The following FAM229B variants were observed in gnomAD, a reference collection of about 807,000 sequenced individuals.
The protein encoded by FAM229B is protein FAM229B.
Under a neutral mutation model 6.7 loss-of-function variants are expected in FAM229B, and 2 were observed. That is an observed-to-expected ratio of 0.30 (90% CI 0.12 to 0.94). The LOEUF (loss-of-function observed/expected upper bound fraction) is 0.94, where lower values mean the gene tolerates loss of function less well. FAM229B is among the 40% of genes least tolerant of loss of function. The pLI is 0.54. For missense variants in FAM229B, 93 were observed against 96.2 expected, an observed-to-expected ratio of 0.97 and a Z score of 0.14; for synonymous variants, 29 against 34.0, an observed-to-expected ratio of 0.85 and a Z score of 0.51.
At chr6:112,091,655 G>T (rs1554318192) in intron 1 of FAM229B, among the ~76,000 whole-genome samples, 1 of 152,036 alleles carries the variant, frequency 6.6e-6, no homozygotes, top group African/African-American at 2.4e-5. Flanking sequence ...AAATAAAATT[G>T]TTTAGCAATG....
intron 1 of FAM229B, among the ~76,000 whole-genome samples, chr6:112,091,017 TC>T (rs144032222): frequency 0.05 from 7,544 of 152,012 alleles, 620 homozygotes; most frequent in African/African-American, 0.17. Flanking sequence ...TGTCCCACCC[TC>T]CAGCTTTGCT....
At position 112,099,276 on chromosome 6, in the gene FAM229B, A is replaced by G. The variant is rs587640163; in HGVS notation, c.-8A>G. On this transcript the variant is annotated 5_prime_UTR_variant, in exon 3 of 4. Coordinates refer to ENST00000368656, the MANE Select transcript of FAM229B (RefSeq NM_001033564.3). The stretch of plus-strand genomic sequence containing the variant: ...TTTTAACTTTCCGATCTAGGTTTTC[A>G]GTGAAGTATGCCTTTTCAATTTGGA... 1 of 1,607,390 alleles carries G rather than the reference A, an allele frequency of 6.2e-7. No homozygotes were observed. The highest frequency in any genetic ancestry group is 1.3e-5 in the African/African-American group (1 of 74,594).
rs1554319339 is a variant in FAM229B at position 112,102,041 on chromosome 6, C to A, written c.*1254C>A. The A allele has an allele frequency of 6.6e-6, 1 of 152,132 alleles. No homozygotes were observed. The highest frequency in any genetic ancestry group is 1.5e-5 in the Non-Finnish European group (1 of 68,018). The allele number at this position is 152,132 out of a possible 1,614,324, so 9.4% of individuals were successfully genotyped here. ...AATTTTAAGAAAGCTTAAAAATAAG[C>A]CTTGAGAGACTCAAGATGATCTCTA... On this transcript the variant is annotated 3_prime_UTR_variant, in exon 4 of 4. Coordinates refer to ENST00000368656, the MANE Select transcript of FAM229B (RefSeq NM_001033564.3).
chr6:112,099,543 A>G (rs1777368899), intron 3 of FAM229B, 135 bp downstream of exon 3: 2 of 818,276 alleles, frequency 2.4e-6, no homozygotes, highest in Non-Finnish European at 3.6e-6. Context: ...TTAGCGTATT[A>G]ACAGAGCCCA....
At chr6:112,090,110 T>C (rs1251364144) in intron 1 of FAM229B, among the ~76,000 whole-genome samples, 19 of 152,214 alleles carry the variant, frequency 1.2e-4, no homozygotes. Context: ...ATTGAAAACA[T>C]GCTGCAAAGT....
At chr6:112,092,160 A>C (rs1311393623) in intron 1 of FAM229B, among the ~76,000 whole-genome samples, 1 of 152,100 alleles carries the variant, frequency 6.6e-6, no homozygotes, top group East Asian at 1.9e-4. Context: ...ACAATGCCTA[A>C]AAAAATTTCA....
rs186677710 is a variant in FAM229B at position 112,091,793 on chromosome 6, A to G, written c.-176+4073A>G. ...ACAAATGAAAGAATTAGTAAACATA[A>G]TAATTACATAAAATTAAAAGAACAT... is the stretch of plus-strand genomic sequence containing the variant. On this transcript the variant is annotated intron_variant, in intron 1 of 3. Transcript: ENST00000368656. 4.7e-3 allele frequency among the ~76,000 whole-genome samples: 711 copies of G among 152,276 alleles called. 9 individuals carry two copies. Among genetic ancestry groups the G allele is most frequent in the African/African-American group, 0.016 (675 of 41,566 alleles).
Position 112,100,991 on chromosome 6 carries a change from G to T in FAM229B, c.*204G>T. 1 of 477,500 alleles carries T rather than the reference G, an allele frequency of 2.1e-6. No individual in the cohort carries two copies. 29.6% of individuals were successfully genotyped at this position (477,500 alleles called of 1,614,324 possible). A position where few individuals can be genotyped will look rare whatever the true frequency, so the allele number is the denominator to read the frequency against. On this transcript the variant is annotated 3_prime_UTR_variant, in exon 4 of 4. Coordinates refer to ENST00000368656, the MANE Select transcript of FAM229B (RefSeq NM_001033564.3). ...TCAGTTATGTCTGATACATAAGACA[G>T]AATAATATTTCACAATTAGAAAGTA...
intron 2 of FAM229B, among the ~76,000 whole-genome samples, chr6:112,098,800 A>T (rs1174072634): frequency 2.0e-5 from 3 of 152,222 alleles, no homozygotes; most frequent in Non-Finnish European, 2.9e-5. Context: ...TTGTTTTCAC[A>T]CGGCAGAAAT....
At chr6:112,093,191 AAG>A (rs1554318326) in intron 1 of FAM229B, among the ~76,000 whole-genome samples, 1 of 152,010 alleles carries the variant, frequency 6.6e-6, no homozygotes, top group Non-Finnish European at 1.5e-5. Flanking sequence ...TTAAAAATAA[AAG>A]AATAGGAAAA....
intron 1 of FAM229B, among the ~76,000 whole-genome samples, chr6:112,090,911 A>G (rs1256815352): frequency 2.6e-5 from 4 of 152,142 alleles, no homozygotes; most frequent in Non-Finnish European, 5.9e-5. Flanking sequence ...TATATTATTA[A>G]TAACTAGTCA....
chr6:112,098,632 A>G (rs1392344915), intron 2 of FAM229B, among the ~76,000 whole-genome samples: 3 of 152,230 alleles, frequency 2.0e-5, no homozygotes, highest in African/African-American at 7.2e-5. Flanking sequence ...TACTGTGACT[A>G]TAGAGAAGCA....
At chr6:112,097,922 A>G (rs1777348103) in intron 2 of FAM229B, among the ~76,000 whole-genome samples, 2 of 152,206 alleles carry the variant, frequency 1.3e-5, no homozygotes, top group Admixed American at 6.5e-5. Flanking sequence ...GTGTTTCTCA[A>G]CAGTGGGCAG....
Position 112,101,638 on chromosome 6 carries a change from G to A in FAM229B, c.*851G>A, listed in dbSNP as rs188293635. On this transcript the variant is annotated 3_prime_UTR_variant, in exon 4 of 4. Coordinates refer to ENST00000368656, the MANE Select transcript of FAM229B (RefSeq NM_001033564.3). ...ACTCAGTCTGCTTTCCTTTTCTCTC[G>A]ATGGCTGTCAGCACCCATCTAATGA... The A allele has an allele frequency of 2.0e-5, 3 of 152,010 alleles. No homozygotes were observed. The highest frequency in any genetic ancestry group is 3.9e-4 in the East Asian group (2 of 5,164). The allele number at this position is 152,010 out of a possible 1,614,324, so 9.4% of individuals were successfully genotyped here. A position where few individuals can be genotyped will look rare whatever the true frequency, so the allele number is the denominator to read the frequency against.
At chr6:112,095,716 C>T (rs1405801370) in intron 1 of FAM229B, among the ~76,000 whole-genome samples, 2 of 139,112 alleles carry the variant, frequency 1.4e-5, no homozygotes, top group African/African-American at 2.7e-5. Flanking sequence ...GATGCTAAAA[C>T]CCATCATTCT....
At chr6:112,087,958 A>T (rs1225553744) in intron 1 of FAM229B, among the ~76,000 whole-genome samples, 1 of 152,212 alleles carries the variant, frequency 6.6e-6, no homozygotes, top group Non-Finnish European at 1.5e-5. Context: ...TCAGGGCACA[A>T]TTGAAACTAG....
chr6:112,099,447 T>C (rs1554319015), intron 3 of FAM229B, 39 bp downstream of exon 3: 1 of 1,573,258 alleles, frequency 6.4e-7, no homozygotes, highest in East Asian at 2.3e-5. Context: ...AGATATGTAT[T>C]GGCTATCATC....
chr6:112,090,101 T>C (rs1777238649), intron 1 of FAM229B, among the ~76,000 whole-genome samples: 2 of 152,342 alleles, frequency 1.3e-5, no homozygotes, highest in Non-Finnish European at 2.9e-5. Flanking sequence ...CTGGAAGGCA[T>C]TGAAAACATG....
intron 1 of FAM229B, among the ~76,000 whole-genome samples, chr6:112,094,504 G>T (rs1167129319): frequency 6.6e-6 from 1 of 151,698 alleles, no homozygotes; most frequent in African/African-American, 2.4e-5. Context: ...CTGTGTCAAT[G>T]TTTTTGTCTC....
Sources: allele counts gnomAD v4.1 joint callset (sites outside exome capture counted in the v4.1 genomes callset), GRCh38; gene constraint gnomAD v4.1.1; transcripts MANE v1.5; gene names NCBI Gene and HGNC (gene_info 2026-07-23, HGNC 2026-07-21).